Variants in TMEM200A observed in about 807,000 individuals in gnomAD.
TMEM200A encodes the protein transmembrane protein 200A.
TMEM200A carries 12 observed loss-of-function variants against 24.3 expected under a neutral mutation model. That is an observed-to-expected ratio of 0.49 (90% confidence interval 0.32 to 0.80). TMEM200A has a LOEUF of 0.80. TMEM200A is among the 30% of genes least tolerant of loss of function. The probability of loss-of-function intolerance (pLI) is 0.04; values close to 1 mark genes in which losing one functional copy is unlikely to be tolerated. For synonymous variants in TMEM200A, 224 were observed against 224.4 expected, an observed-to-expected ratio of 1.00 and a Z score of 0.02; for missense variants, 545 against 614.4, an observed-to-expected ratio of 0.89 and a Z score of 1.19.
At chr6:130,376,764 A>AT (rs549567016) in intron 1 of TMEM200A, among the ~76,000 whole-genome samples, 79 of 151,490 alleles carry the variant, frequency 5.2e-4, no homozygotes, top group Middle Eastern at 3.4e-3. Flanking sequence ...CCTCACATAC[A>AT]TTTTTTTTTC....
chr6:130,430,416 T>C (rs967455792), intron 2 of TMEM200A, among the ~76,000 whole-genome samples: 3 of 152,030 alleles, frequency 2.0e-5, no homozygotes, highest in South Asian at 2.1e-4. Context: ...GAGAAATAGA[T>C]GAAAGAAAAA....
intron 2 of TMEM200A, among the ~76,000 whole-genome samples, chr6:130,400,865 G>A (rs1023824395): frequency 3.9e-5 from 6 of 151,912 alleles, no homozygotes; most frequent in African/African-American, 1.5e-4. Context: ...CCCCTGCTTT[G>A]TGTTCCTTTT....
At chr6:130,386,453 T>G (rs1427073620) in intron 2 of TMEM200A, among the ~76,000 whole-genome samples, 1 of 152,196 alleles carries the variant, frequency 6.6e-6, no homozygotes, top group East Asian at 1.9e-4. Context: ...GGAAACTATG[T>G]TATTGTCAGC....
intron 2 of TMEM200A, among the ~76,000 whole-genome samples, chr6:130,418,721 G>C (rs1313865237): frequency 6.6e-6 from 1 of 151,976 alleles, no homozygotes; most frequent in African/African-American, 2.4e-5. Context: ...TCCTTCCTTT[G>C]GTCACACAGT....
rs78098803 is a variant in TMEM200A, at chr6:130,426,464, C to G, written c.-16-13943C>G. On this transcript the variant is annotated intron_variant, in intron 2 of 2. Coordinates refer to ENST00000296978, the MANE Select transcript of TMEM200A (RefSeq NM_001258277.2). ...AGGAGAAGAATCCTTTCTGCAGCCCCCCCCCCCTCAGTTTCCCTTCATCAC... is the reference window on the plus strand; with the variant it reads ...AGGAGAAGAATCCTTTCTGCAGCCCGCCCCCCCTCAGTTTCCCTTCATCAC... Among the ~76,000 whole-genome samples, 471 of 146,172 alleles carry G rather than the reference C, an allele frequency of 3.2e-3. 2 individuals are homozygous for G. The highest frequency in any genetic ancestry group is 5.0e-3 in the Non-Finnish European group (340 of 67,334).
At position 130,442,758 on chromosome 6, in the gene TMEM200A, C is replaced by T. The variant is rs1780228093; in HGVS notation, c.*860C>T. 6.0e-6 allele frequency: 1 copy of T among 166,998 alleles called. No individual in the cohort carries two copies. The highest frequency in any genetic ancestry group is 1.5e-5 in the Non-Finnish European group (1 of 68,090). The allele number at this position is 166,998 out of a possible 1,614,324, so 10.3% of individuals were successfully genotyped here. On this transcript the variant is annotated 3_prime_UTR_variant, in exon 3 of 3. Transcript: ENST00000296978. ...AGTTAATGCTAACTAGTCTCAGTACCTGTTTTTAGCCATCTGTTACTGTCC... is the reference window on the plus strand; with the variant it reads ...AGTTAATGCTAACTAGTCTCAGTACTTGTTTTTAGCCATCTGTTACTGTCC...
At chr6:130,437,798 C>T (rs1207253662) in intron 2 of TMEM200A, 1 of 152,156 alleles carries the variant, frequency 6.6e-6, no homozygotes, top group Non-Finnish European at 1.5e-5. Flanking sequence ...ATCCATCTCT[C>T]TTTTTCACCT....
intron 2 of TMEM200A, among the ~76,000 whole-genome samples, chr6:130,402,202 AAC>A (rs1430180796): frequency 6.6e-6 from 1 of 152,066 alleles, no homozygotes; most frequent in Non-Finnish European, 1.5e-5. Flanking sequence ...ATAATAAACA[AAC>A]AGAGTATTAT....
At chr6:130,433,337 C>T (rs112172631) in intron 2 of TMEM200A, among the ~76,000 whole-genome samples, 1,988 of 152,118 alleles carry the variant, frequency 0.013, 38 homozygotes, top group African/African-American at 0.045. Context: ...AGGGTTTCAC[C>T]GTGTTGGCCA....
chr6:130,387,069 T>C (rs1026311787), intron 2 of TMEM200A, among the ~76,000 whole-genome samples: 1 of 152,210 alleles, frequency 6.6e-6, no homozygotes, highest in African/African-American at 2.4e-5. Flanking sequence ...ACTTGATCTT[T>C]AAGATTCTTT....
intron 2 of TMEM200A, among the ~76,000 whole-genome samples, chr6:130,434,688 C>T (rs1026839689): frequency 2.0e-5 from 3 of 152,040 alleles, no homozygotes; most frequent in East Asian, 1.9e-4. Flanking sequence ...TTAGAACGGA[C>T]GGTATGTGGT....
chr6:130,388,192 A>G (rs1778754868), intron 2 of TMEM200A, among the ~76,000 whole-genome samples: 1 of 152,230 alleles, frequency 6.6e-6, no homozygotes, highest in South Asian at 2.1e-4. Context: ...TAGGCAAGCA[A>G]TAAGGCTTGA....
intron 2 of TMEM200A, among the ~76,000 whole-genome samples, chr6:130,398,760 T>C (rs1043024005): frequency 6.6e-6 from 1 of 152,046 alleles, no homozygotes; most frequent in Non-Finnish European, 1.5e-5. Flanking sequence ...TTTTCATGTA[T>C]ATATTTGTTG....
At chr6:130,416,681 G>T (rs1159599671) in intron 2 of TMEM200A, among the ~76,000 whole-genome samples, 3 of 151,998 alleles carry the variant, frequency 2.0e-5, no homozygotes, top group African/African-American at 7.2e-5. Context: ...TTCTTAAATG[G>T]CCTTCCTACA....
rs375685325 is a variant in TMEM200A, at chr6:130,441,466, T to C, written c.1044T>C (p.Asn348=). The C allele has an allele frequency of 1.1e-5, 17 of 1,613,990 alleles. No individual in the cohort carries two copies. In the African/African-American group the frequency reaches 2.3e-4, roughly 22 times the overall value. Residue 348 remains asparagine (N), a synonymous_variant, in exon 3 of 3, where the codon AAT becomes AAC. Transcript: ENST00000296978. ...CCGTCAGCACAGTGCTACCAAGGAA[T>C]AATTCCATTGGGGAGTCGTTGTCGA... ...FQPVSTVLPR[N]NSIGESLSSQ...
intron 2 of TMEM200A, among the ~76,000 whole-genome samples, chr6:130,415,536 C>A (rs1392976869): frequency 6.6e-6 from 1 of 152,142 alleles, no homozygotes; most frequent in Non-Finnish European, 1.5e-5. Context: ...GAGCTGAAGT[C>A]TCCGTAACAT....
chr6:130,429,220 T>C (rs1040974744), intron 2 of TMEM200A, among the ~76,000 whole-genome samples: 7 of 152,092 alleles, frequency 4.6e-5, no homozygotes, highest in Non-Finnish European at 7.4e-5. Context: ...CTAGAAACTT[T>C]TGACAAAGAA....
chr6:130,435,414 TG>T (rs1381407852), intron 2 of TMEM200A, among the ~76,000 whole-genome samples: 3 of 152,202 alleles, frequency 2.0e-5, no homozygotes, highest in Admixed American at 6.5e-5. Flanking sequence ...ATCAAAATGA[TG>T]GTTGCTGATC....
chr6:130,411,292 T>C (rs1327164809), intron 2 of TMEM200A, among the ~76,000 whole-genome samples: 1 of 152,212 alleles, frequency 6.6e-6, no homozygotes, highest in Admixed American at 6.5e-5. Flanking sequence ...ATGCCATTTT[T>C]AAAAGAGTTT....
Sources: allele counts gnomAD v4.1 joint callset (sites outside exome capture counted in the v4.1 genomes callset), GRCh38; gene constraint gnomAD v4.1.1; transcripts MANE v1.5; gene names NCBI Gene and HGNC (gene_info 2026-07-23, HGNC 2026-07-21).